DOCK10: variants seen among roughly 807,000 people sequenced by gnomAD.
DOCK10 encodes dedicator of cytokinesis 10.
In DOCK10, 145 loss-of-function variants were observed where a neutral mutation model predicts 280.1. The ratio of observed to expected loss-of-function variants is 0.52; its 90% confidence interval spans 0.45 to 0.59. The LOEUF is 0.59. DOCK10 is among the 20% of genes least tolerant of loss of function. The pLI, the probability that DOCK10 is intolerant of heterozygous loss-of-function variation, is 0.00. For missense variants in DOCK10, 2,368 were observed against 2,651.7 expected (o/e 0.89, Z 2.35); for synonymous variants, 915 against 942.2 (o/e 0.97, Z 0.53).
rs529416543 is a variant in DOCK10 at position 225,001,320 on chromosome 2, C to T, written c.123+40932G>A. ...TTTTTTTTTTTTTGAGACGGAGTCT[C>T]GCTCTGCCACCCAGGCTGGAGTGCA... On this transcript the variant is annotated intron_variant, in intron 1 of 55. Coordinates refer to ENST00000258390, the MANE Select transcript of DOCK10 (RefSeq NM_014689.3). 1.2e-4 allele frequency among the ~76,000 whole-genome samples: 17 copies of T among 136,358 alleles called. No individual in the cohort carries two copies. In the East Asian group the frequency reaches 2.5e-3, roughly 20 times the overall value. The allele number at this position is 136,358 out of a possible 152,430, so 89.5% of individuals were successfully genotyped here.
At chr2:224,942,610 A>T (rs1413177944) in intron 1 of DOCK10, among the ~76,000 whole-genome samples, 1 of 152,244 alleles carries the variant, frequency 6.6e-6, no homozygotes, top group Admixed American at 6.5e-5. Flanking sequence ...ATCACCAGTA[A>T]GGGAGGCTTC....
chr2:224,938,066 A>G (rs1336642072), intron 1 of DOCK10, among the ~76,000 whole-genome samples: 1 of 152,184 alleles, frequency 6.6e-6, no homozygotes, highest in Non-Finnish European at 1.5e-5. Flanking sequence ...GTTATTCACC[A>G]TTGGGGTTGC....
chr2:224,856,294 G>GT (rs11438194), intron 15 of DOCK10, among the ~76,000 whole-genome samples: 23,128 of 149,528 alleles, frequency 0.15, 2,633 homozygotes, highest in African/African-American at 0.33. Context: ...TTTTGTAAGA[G>GT]TTTTTTTTTT....
chr2:225,008,415 G>T (rs1575162502), intron 1 of DOCK10, among the ~76,000 whole-genome samples: 2 of 152,294 alleles, frequency 1.3e-5, no homozygotes, highest in East Asian at 3.9e-4. Context: ...TGCTGACTTT[G>T]TAAGAATATT....
chr2:224,851,639 T>G (rs1274777404), intron 18 of DOCK10, among the ~76,000 whole-genome samples: 1 of 151,988 alleles, frequency 6.6e-6, no homozygotes, highest in East Asian at 1.9e-4. Flanking sequence ...AGAAATTAGT[T>G]TTGTCCTCTA....
intron 7 of DOCK10, among the ~76,000 whole-genome samples, chr2:224,885,341 C>T (rs1279938691): frequency 2.0e-5 from 3 of 152,160 alleles, no homozygotes; most frequent in Non-Finnish European, 4.4e-5. Flanking sequence ...GATCTCTCTT[C>T]AAAAATGCTC....
intron 1 of DOCK10, among the ~76,000 whole-genome samples, chr2:225,026,759 T>G (rs958581520): frequency 7.4e-5 from 11 of 149,632 alleles, no homozygotes; most frequent in African/African-American, 2.7e-4. Flanking sequence ...CTAGGGGGGG[T>G]TTTGTGGGGA....
intron 11 of DOCK10, among the ~76,000 whole-genome samples, chr2:224,865,921 A>G (rs1697882444): frequency 6.6e-6 from 1 of 151,602 alleles, no homozygotes; most frequent in South Asian, 2.1e-4. Context: ...TCTCTCTCTA[A>G]CAGTCACCTA....
intron 3 of DOCK10, among the ~76,000 whole-genome samples, chr2:224,897,363 T>TG (rs1700045871): frequency 6.6e-6 from 1 of 152,220 alleles, no homozygotes; most frequent in Non-Finnish European, 1.5e-5. Flanking sequence ...TCATGGAAAA[T>TG]GGGGTGTCCA....
In DOCK10 at chr2:225,042,290, C is replaced by A; in HGVS notation, c.85G>T (p.Ala29Ser). 7.4e-7 allele frequency: 1 copy of A among 1,342,998 alleles called. No individual in the cohort carries two copies. Among genetic ancestry groups the A allele is most frequent in the East Asian group, 3.1e-5 (1 of 32,036 alleles). The allele number at this position is 1,342,998 out of a possible 1,614,324, so 83.2% of individuals were successfully genotyped here. A position where few individuals can be genotyped will look rare whatever the true frequency, so the allele number is the denominator to read the frequency against. ...CGGCTGCTGACTGCCACCGCGGCGG[C>A]GGACGCGGCGCTGTGCCGGAGCTCG... ...AAELRHSAAS[A>S]AAVAVSSRQQ... The change falls in exon 1 of 56, where the codon GCC becomes TCC. Residue 29 changes from alanine to serine, a missense_variant. Coordinates refer to ENST00000258390, the MANE Select transcript of DOCK10 (RefSeq NM_014689.3). The surrounding 1 kb of genome is among the most constrained non-coding windows in gnomAD (Gnocchi z 5.1).
At position 224,853,110 on chromosome 2, in the gene DOCK10, G is replaced by A; in HGVS notation, c.1901C>T (p.Ser634Leu). ...VPLEHPNCVT[S>L]SFIPVKPFNM... ...GAAAGGCTTGACAGGGATAAAGGAC[G>A]ATGTTACACAATCTTAAAAAATCAG... Residue 634 changes from serine to leucine, a missense_variant, in exon 17 of 56, where the codon TCG becomes TTG. Around this residue, in one of 2 missense-constraint regions of DOCK10, gnomAD observed 1,209 missense variants for 1,250.9 expected, o/e 0.97. Coordinates refer to ENST00000258390, the MANE Select transcript of DOCK10 (RefSeq NM_014689.3). The A allele has an allele frequency of 6.4e-7, 1 of 1,572,560 alleles. No homozygotes were observed. Among genetic ancestry groups the A allele is most frequent in the Non-Finnish European group, 8.6e-7 (1 of 1,157,662 alleles).
intron 27 of DOCK10, among the ~76,000 whole-genome samples, chr2:224,829,810 A>G (rs1363530798): frequency 6.6e-6 from 1 of 152,122 alleles, no homozygotes; most frequent in Non-Finnish European, 1.5e-5. Flanking sequence ...ATGATGAGTA[A>G]TACATAGGCT....
At chr2:225,004,179 G>A (rs1706511853) in intron 1 of DOCK10, among the ~76,000 whole-genome samples, 1 of 152,214 alleles carries the variant, frequency 6.6e-6, no homozygotes, top group Non-Finnish European at 1.5e-5. Flanking sequence ...TTGCAGATGA[G>A]TTAAGCCTTT....
At chr2:224,788,768 T>C (rs1298309981) in intron 48 of DOCK10, among the ~76,000 whole-genome samples, 1 of 152,238 alleles carries the variant, frequency 6.6e-6, no homozygotes, top group Non-Finnish European at 1.5e-5. Context: ...AAAGCTATGA[T>C]CAGTTCGCAA....
chr2:224,862,459 C>A, intron 14 of DOCK10: 1 of 503,782 alleles, frequency 2.0e-6, no homozygotes, highest in South Asian at 2.8e-5. Flanking sequence ...GTGTCACGGC[C>A]CTCTATTATA....
Position 224,774,973 on chromosome 2 carries a change from G to T in DOCK10, c.5945C>A (p.Pro1982His). 2 of 1,612,538 alleles carry T rather than the reference G, an allele frequency of 1.2e-6. No homozygotes were observed. Among genetic ancestry groups the T allele is most frequent in the Admixed American group, 1.7e-5 (1 of 59,808 alleles). The stretch of plus-strand genomic sequence containing the variant: ...GTGCTTCTTGCCCGACAGCGTGAAG[G>T]GTGTCTCGAAGACAAAGCGGTTGAT... ...HNINRFVFET[P>H]FTLSGKKHGG... Residue 1982 changes from proline (P) to histidine (H), a missense_variant, in exon 52 of 56, where the codon CCC (proline) becomes CAC (histidine). Around this residue, in one of 2 missense-constraint regions of DOCK10, gnomAD observed 1,159 missense variants for 1,400.8 expected, o/e 0.83. Transcript: ENST00000258390.
chr2:224,870,116 C>G (rs572210767), intron 11 of DOCK10, among the ~76,000 whole-genome samples: 22 of 152,154 alleles, frequency 1.4e-4, no homozygotes, highest in Non-Finnish European at 2.1e-4. Context: ...TCATGCTGTT[C>G]TCATGATAGT....
chr2:224,781,048 G>C (rs1691298494), intron 50 of DOCK10, among the ~76,000 whole-genome samples: 1 of 152,128 alleles, frequency 6.6e-6, no homozygotes, highest in Non-Finnish European at 1.5e-5. Flanking sequence ...GATGGCCTTT[G>C]GTGAGTGCTA....
chr2:224,953,860 T>C (rs978101866), intron 1 of DOCK10, among the ~76,000 whole-genome samples: 1 of 152,158 alleles, frequency 6.6e-6, no homozygotes, highest in Non-Finnish European at 1.5e-5. Flanking sequence ...AGTGAGAATG[T>C]AGATGAGCCA....
Sources: allele counts gnomAD v4.1 joint callset (sites outside exome capture counted in the v4.1 genomes callset), GRCh38; gene constraint gnomAD v4.1.1; regional missense constraint gnomAD v4.1.1; non-coding constraint Gnocchi (gnomAD v3.1); transcripts MANE v1.5; gene names NCBI Gene and HGNC (gene_info 2026-07-23, HGNC 2026-07-21).